The following KCNMA1 variants were observed in gnomAD, a reference collection of about 807,000 sequenced individuals.
KCNMA1 encodes potassium calcium-activated channel subfamily M alpha 1.
KCNMA1 carries 29 observed loss-of-function variants against 140.0 expected under a neutral mutation model. The observed-to-expected ratio is 0.21, with a 90% CI of 0.15 to 0.28. The LOEUF is 0.28. KCNMA1 is among the 10% of genes least tolerant of loss of function. The pLI, the probability that KCNMA1 is intolerant of heterozygous loss-of-function variation, is 1.00. For synonymous variants in KCNMA1, 612 were observed against 611.9 expected (o/e 1.00, Z 0.00); for missense variants, 880 against 1,602.2 (o/e 0.55, Z 7.70).
intron 2 of KCNMA1, among the ~76,000 whole-genome samples, chr10:77,323,718 T>C (rs934498058): frequency 6.6e-6 from 1 of 152,234 alleles, no homozygotes; most frequent in Non-Finnish European, 1.5e-5. Context: ...TATATGCATT[T>C]TCTACTTCTC....
intron 19 of KCNMA1, among the ~76,000 whole-genome samples, chr10:76,998,453 T>C (rs2153389371): frequency 6.6e-6 from 1 of 152,302 alleles, no homozygotes; most frequent in South Asian, 2.1e-4. Context: ...AATAGTATAA[T>C]GACCTTTAAT....
intron 1 of KCNMA1, chr10:77,636,136 G>T: frequency 8.3e-7 from 1 of 1,198,954 alleles, no homozygotes; most frequent in Non-Finnish European, 1.1e-6. Flanking sequence ...CCTCCAAAAC[G>T]GTTCGCGCGT....
rs925265809 is a variant in KCNMA1 at position 77,134,238 on chromosome 10, G to A, written c.809-13190C>T. Among the ~76,000 whole-genome samples, 22 of 152,048 alleles carry A rather than the reference G, an allele frequency of 1.4e-4. No individual in the cohort carries two copies. In the East Asian group the frequency reaches 3.9e-3, roughly 27 times the overall value. On this transcript the variant is annotated intron_variant, in intron 5 of 27. Coordinates refer to ENST00000286628, the MANE Select transcript of KCNMA1 (RefSeq NM_001161352.2). ...CAGGCTCTGCCACCACCATAAAAAC[G>A]TCAAAATTCTGCATGTTTAAAATCA...
intron 2 of KCNMA1, among the ~76,000 whole-genome samples, chr10:77,349,541 G>A (rs189639903): frequency 1.3e-5 from 2 of 152,178 alleles, no homozygotes; most frequent in Non-Finnish European, 2.9e-5. Flanking sequence ...AACCCACTGG[G>A]TGAGTAAGCA....
chr10:76,997,318 CA>C (rs59685644), intron 19 of KCNMA1, among the ~76,000 whole-genome samples: 5,997 of 152,256 alleles, frequency 0.039, 392 homozygotes, highest in African/African-American at 0.14. Flanking sequence ...CAGTAGTTTG[CA>C]AAAGGCTGCA....
In KCNMA1 at chr10:77,637,406, G is replaced by A; in HGVS notation, c.237C>T (p.Cys79=). Residue 79 remains cysteine (C), a synonymous_variant, in exon 1 of 28, where the codon TGC becomes TGT. Coordinates refer to ENST00000286628, the MANE Select transcript of KCNMA1 (RefSeq NM_001161352.2). ...ACCACATGCGTTGGCCCCGGCTGTC[G>A]CACGGCACCTCCATGGTCACCGGGA... The part of the protein sequence containing the change: ...LIIPVTMEVP[C]DSRGQRMWWA... 1 of 1,613,790 alleles carries A rather than the reference G, an allele frequency of 6.2e-7. No individual in the cohort carries two copies. The highest frequency in any genetic ancestry group is 8.5e-7 in the Non-Finnish European group (1 of 1,179,900).
At chr10:77,553,658 A>C (rs752816723) in intron 1 of KCNMA1, among the ~76,000 whole-genome samples, 1 of 152,180 alleles carries the variant, frequency 6.6e-6, no homozygotes, top group Non-Finnish European at 1.5e-5. Flanking sequence ...CTTCTACTTC[A>C]AGCCTACTCC....
At chr10:77,125,740 T>C (rs1002742848) in intron 5 of KCNMA1, among the ~76,000 whole-genome samples, 2 of 152,254 alleles carry the variant, frequency 1.3e-5, no homozygotes, top group South Asian at 2.1e-4. Flanking sequence ...TTTCCAGCAT[T>C]GAACATAGTG....
intron 3 of KCNMA1, among the ~76,000 whole-genome samples, chr10:77,232,166 T>G (rs2053825840): frequency 6.6e-6 from 1 of 152,242 alleles, no homozygotes; most frequent in African/African-American, 2.4e-5. Context: ...ACATCACATT[T>G]TGTTAATCCA....
chr10:76,920,711 G>A (rs142224419), intron 23 of KCNMA1, among the ~76,000 whole-genome samples: 3 of 152,336 alleles, frequency 2.0e-5, no homozygotes, highest in Non-Finnish European at 2.9e-5. Context: ...GGGAGCCGCA[G>A]CCAGGCAGTC....
intron 5 of KCNMA1, among the ~76,000 whole-genome samples, chr10:77,166,775 A>G (rs556582285): frequency 6.6e-6 from 1 of 152,322 alleles, no homozygotes; most frequent in Non-Finnish European, 1.5e-5. Flanking sequence ...GTGGACATTG[A>G]GAAGCTGTCA....
chr10:77,226,077 C>T (rs1222789200), intron 3 of KCNMA1, among the ~76,000 whole-genome samples: 1 of 152,294 alleles, frequency 6.6e-6, no homozygotes, highest in Non-Finnish European at 1.5e-5. Flanking sequence ...CAAATTCTAA[C>T]AGTCCTTTGT....
intron 2 of KCNMA1, among the ~76,000 whole-genome samples, chr10:77,319,153 G>T (rs779740212): frequency 2.0e-5 from 3 of 152,102 alleles, no homozygotes. Flanking sequence ...AGCTGTCTCT[G>T]GCTTCTCCAG....
chr10:77,330,850 C>CA, intron 2 of KCNMA1, among the ~76,000 whole-genome samples: 1 of 152,280 alleles, frequency 6.6e-6, no homozygotes, highest in Non-Finnish European at 1.5e-5. Context: ...TGTGAGGACT[C>CA]AGTTTCCTCA....
intron 3 of KCNMA1, among the ~76,000 whole-genome samples, chr10:77,205,525 A>G (rs1181450308): frequency 6.6e-6 from 1 of 152,240 alleles, no homozygotes; most frequent in Non-Finnish European, 1.5e-5. Flanking sequence ...CTTACTGGAT[A>G]TAAATCAACA....
chr10:76,924,033 G>T (rs763368003), intron 23 of KCNMA1, among the ~76,000 whole-genome samples: 2 of 152,082 alleles, frequency 1.3e-5, no homozygotes, highest in South Asian at 4.1e-4. Context: ...AGACATACTT[G>T]CTTGGCCAGT....
At chr10:77,523,688 G>C (rs2054436359) in intron 1 of KCNMA1, among the ~76,000 whole-genome samples, 1 of 152,136 alleles carries the variant, frequency 6.6e-6, no homozygotes, top group South Asian at 2.1e-4. Context: ...TATACTTTGT[G>C]GTGTGTTCAA....
chr10:76,984,971 T>C (rs2080815193), intron 19 of KCNMA1, among the ~76,000 whole-genome samples: 1 of 152,036 alleles, frequency 6.6e-6, no homozygotes, highest in Non-Finnish European at 1.5e-5. Flanking sequence ...AGAATCCAGG[T>C]AGAGGGTTTA....
At chr10:77,606,075 A>G (rs2619632) in intron 1 of KCNMA1, among the ~76,000 whole-genome samples, 77,924 of 152,092 alleles carry the variant, frequency 0.51, 20,578 homozygotes, top group African/African-American at 0.61. Flanking sequence ...GCTGCGGCCT[A>G]GACCCATGGC....
Sources: allele counts gnomAD v4.1 joint callset (sites outside exome capture counted in the v4.1 genomes callset), GRCh38; gene constraint gnomAD v4.1.1; transcripts MANE v1.5; gene names NCBI Gene and HGNC (gene_info 2026-07-23, HGNC 2026-07-21).